The following DMXL1 variants were observed in gnomAD, a reference collection of about 807,000 sequenced individuals.
DMXL1 encodes dmX-like protein 1.
A neutral mutation model predicts 319.2 loss-of-function variants in DMXL1; 99 were observed. The observed-to-expected ratio is 0.31, with a 90% CI of 0.26 to 0.37. The LOEUF (loss-of-function observed/expected upper bound fraction) is 0.37, where lower values mean the gene tolerates loss of function less well. Among genes scored for constraint, DMXL1 ranks in the 10% least tolerant of loss-of-function variants. DMXL1 has a pLI of 1.00. For missense variants in DMXL1, 3,745 were observed against 3,595.6 expected (o/e 1.04, Z -1.06); for synonymous variants, 1,385 against 1,235.2 (o/e 1.12, Z -2.54).
intron 29 of DMXL1, among the ~76,000 whole-genome samples, chr5:119,192,557 G>A (rs74953540): frequency 0.041 from 6,309 of 152,094 alleles, 345 homozygotes; most frequent in African/African-American, 0.13. Flanking sequence ...AGTTACACCC[G>A]TTAAAACTGA....
At chr5:119,129,574 T>A (rs1764347008) in intron 10 of DMXL1, 151 bp downstream of exon 10, 1 of 618,494 alleles carries the variant, frequency 1.6e-6, no homozygotes, top group South Asian at 2.1e-5. Flanking sequence ...CTAATGTAGA[T>A]ATTTCTGTTA....
chr5:119,100,971 C>T (rs1005423031), intron 2 of DMXL1, among the ~76,000 whole-genome samples: 5 of 151,486 alleles, frequency 3.3e-5, no homozygotes, highest in Admixed American at 6.6e-5. Flanking sequence ...TTAGTAAAGA[C>T]GGGGTTTCAC....
chr5:119,178,742 T>C lies in DMXL1; in HGVS notation c.7135+498T>C, dbSNP rs1020954321. 6 of 782,440 alleles carry C rather than the reference T, an allele frequency of 7.7e-6. No individual in the cohort carries two copies. The Admixed American group carries it at 3.8e-4, about 49-fold the overall frequency. 48.5% of individuals were successfully genotyped at this position (782,440 alleles called of 1,614,324 possible). On this transcript the variant is annotated intron_variant, in intron 28 of 43. Transcript: ENST00000539542. ...TTATCATTCAGCTTGCTTTGTGTTG[T>C]TTTGAGGGGTTGGGGTACAGTGGGA...
intron 37 of DMXL1, among the ~76,000 whole-genome samples, chr5:119,223,347 G>A (rs528646371): frequency 3.9e-5 from 6 of 152,230 alleles, no homozygotes; most frequent in Non-Finnish European, 7.4e-5. Context: ...ATGAGCCACC[G>A]TGCCCTGCCT....
chr5:119,202,882 T>TATATA lies in DMXL1; in HGVS notation c.7746-437_7746-436insATATA, dbSNP rs879489303. Among the ~76,000 whole-genome samples the TATATA allele has an allele frequency of 2.1e-4, 23 of 110,922 alleles. No homozygotes were observed. In the South Asian group the frequency reaches 2.6e-3, roughly 12 times the overall value. The allele number at this position is 110,922 out of a possible 152,430, so 72.8% of individuals were successfully genotyped here. ...ATACATACATATATATATATATATATTTTTATATATATATATATATATATT... is the reference window on the plus strand; with the variant it reads ...ATACATACATATATATATATATATATATATATTTTATATATATATATATATATATT... On this transcript the variant is annotated intron_variant, in intron 32 of 43. Transcript: ENST00000539542.
chr5:119,076,605 G>A (rs1277387372), intron 1 of DMXL1, among the ~76,000 whole-genome samples: 2 of 152,132 alleles, frequency 1.3e-5, no homozygotes, highest in Admixed American at 6.5e-5. Flanking sequence ...TAAAATCATT[G>A]AAATGATAGT....
At chr5:119,139,511 A>T (rs1024350997) in intron 13 of DMXL1, among the ~76,000 whole-genome samples, 1 of 152,226 alleles carries the variant, frequency 6.6e-6, no homozygotes, top group Non-Finnish European at 1.5e-5. Context: ...ACCAACAAAG[A>T]TTAGAAAAAG....
chr5:119,083,180 T>G (rs985365659), intron 1 of DMXL1, among the ~76,000 whole-genome samples: 3 of 152,136 alleles, frequency 2.0e-5, no homozygotes, highest in Non-Finnish European at 4.4e-5. Flanking sequence ...CTGGCTAATT[T>G]TGTATATACA....
rs1442647354 is a variant in DMXL1, at chr5:119,089,663, T to C, written c.88-8316T>C. ...TTTTTGAGACAGAGTTTCACTCTTG[T>C]TGCCCAGGCTGGTGTGCAATGGCGC... On this transcript the variant is annotated intron_variant, in intron 1 of 43. Coordinates refer to ENST00000539542, the MANE Select transcript of DMXL1 (RefSeq NM_001290321.3). 2.0e-5 allele frequency among the ~76,000 whole-genome samples: 3 copies of C among 150,926 alleles called. No individual in the cohort carries two copies. The East Asian group carries it at 5.8e-4, about 29-fold the overall frequency.
At chr5:119,151,386 A>G (rs935217201) in intron 18 of DMXL1, among the ~76,000 whole-genome samples, 6 of 152,346 alleles carry the variant, frequency 3.9e-5, no homozygotes, top group African/African-American at 1.2e-4. Context: ...TATAATAACA[A>G]AATTTAAATT....
intron 13 of DMXL1, among the ~76,000 whole-genome samples, chr5:119,141,964 A>G (rs930976408): frequency 2.0e-5 from 3 of 152,174 alleles, no homozygotes; most frequent in East Asian, 1.9e-4. Context: ...AAGACCACAC[A>G]CCTACAACTG....
chr5:119,172,234 G>T (rs1300983112), intron 25 of DMXL1, among the ~76,000 whole-genome samples: 1 of 152,080 alleles, frequency 6.6e-6, no homozygotes, highest in Non-Finnish European at 1.5e-5. Context: ...AGAAAAATAG[G>T]TACGTATGAG....
intron 2 of DMXL1, among the ~76,000 whole-genome samples, chr5:119,099,728 G>A (rs1756813689): frequency 6.6e-6 from 1 of 152,196 alleles, no homozygotes; most frequent in Non-Finnish European, 1.5e-5. Flanking sequence ...ATGGCCATGT[G>A]TGGTGGCTCA....
At position 119,247,270 on chromosome 5, in the gene DMXL1, A is replaced by T. The variant is rs757500155; in HGVS notation, c.*51A>T. ...TATTACCTATATGGAAGTGGCCAAC[A>T]GATATAATATACAGTGATCATTCTC... On this transcript the variant is annotated 3_prime_UTR_variant, in exon 44 of 44. Transcript: ENST00000539542. The T allele has an allele frequency of 1.6e-6, 2 of 1,282,526 alleles. No homozygotes were observed. Among genetic ancestry groups the T allele is most frequent in the Non-Finnish European group, 2.2e-6 (2 of 899,556 alleles). 79.4% of individuals were successfully genotyped at this position (1,282,526 alleles called of 1,614,324 possible). A position where few individuals can be genotyped will look rare whatever the true frequency, so the allele number is the denominator to read the frequency against.
At chr5:119,075,620 A>C (rs567295382) in intron 1 of DMXL1, among the ~76,000 whole-genome samples, 1 of 152,286 alleles carries the variant, frequency 6.6e-6, no homozygotes, top group African/African-American at 2.4e-5. Context: ...AGGTATGCTA[A>C]GCAAAAATTA....
At chr5:119,154,388 A>G (rs1384292735) in intron 19 of DMXL1, among the ~76,000 whole-genome samples, 6 of 152,376 alleles carry the variant, frequency 3.9e-5, no homozygotes, top group Admixed American at 6.5e-5. Flanking sequence ...CATTGAACAC[A>G]TAAATGATAA....
intron 28 of DMXL1, among the ~76,000 whole-genome samples, chr5:119,188,180 A>G (rs2150362823): frequency 6.6e-6 from 1 of 152,338 alleles, no homozygotes; most frequent in South Asian, 2.1e-4. Context: ...TTTATGACAT[A>G]CTAATCTTGG....
rs767321834 is a variant in DMXL1, at chr5:119,171,150, G to T, written c.6359G>T (p.Arg2120Ile). ...CTGAGAGAAAATTTTCAGGAAAAAA[G>T]ACAGTGGCTCTTGAAGTATCAGTCA... Reference protein sequence around the residue: ...KQLRENFQEKRQWLLKYQSLL... With the variant: ...KQLRENFQEKIQWLLKYQSLL... Residue 2120 changes from arginine to isoleucine, a missense_variant, in exon 24 of 44, where the codon AGA becomes ATA. Physicochemically the swap from Arg to Ile is moderately conservative, Grantham distance 97. Coordinates refer to ENST00000539542, the MANE Select transcript of DMXL1 (RefSeq NM_001290321.3). The T allele has an allele frequency of 5.6e-6, 9 of 1,613,978 alleles. No individual in the cohort carries two copies. In the South Asian group the frequency reaches 9.9e-5, roughly 18 times the overall value.
At position 119,170,844 on chromosome 5, in the gene DMXL1, A is replaced by G; in HGVS notation, c.6053A>G (p.Asn2018Ser). Reference sequence around the variant, plus strand: ...ACACTAGATGAAAATGACCTTTTAAATCCATCAGAAGATATAATTGCAGTT... The same window carrying G: ...ACACTAGATGAAAATGACCTTTTAAGTCCATCAGAAGATATAATTGCAGTT... The part of the protein sequence containing the change: ...FSTLDENDLL[N>S]PSEDIIAVQL... Residue 2018 changes from asparagine to serine, a missense_variant, in exon 24 of 44, where the codon AAT becomes AGT. Physicochemically the swap from Asn to Ser is conservative, Grantham distance 46. Coordinates refer to ENST00000539542, the MANE Select transcript of DMXL1 (RefSeq NM_001290321.3). 7.4e-6 allele frequency: 12 copies of G among 1,612,322 alleles called. No homozygotes were observed. Among genetic ancestry groups the G allele is most frequent in the Non-Finnish European group, 1.0e-5 (12 of 1,179,634 alleles).
Sources: gnomAD v4.1 joint callset for allele counts (sites outside exome capture counted in the v4.1 genomes callset) on GRCh38, gnomAD v4.1.1 for gene constraint, MANE v1.5 for transcripts, NCBI Gene and HGNC (gene_info 2026-07-23, HGNC 2026-07-21) for gene names.